THSD4: variants seen among roughly 807,000 people sequenced by gnomAD.
THSD4 encodes the protein thrombospondin type 1 domain containing 4.
THSD4 carries 69 observed loss-of-function variants against 119.0 expected under a neutral mutation model. The observed-to-expected ratio is 0.58, with a 90% CI of 0.48 to 0.71. The LOEUF is 0.71. Among genes scored for constraint, THSD4 ranks in the 30% least tolerant of loss-of-function variants. The pLI is 0.00. For missense variants in THSD4, 1,393 were observed against 1,391.1 expected, an observed-to-expected ratio of 1.00 and a Z score of -0.02; for synonymous variants, 524 against 540.4, an observed-to-expected ratio of 0.97 and a Z score of 0.42.
chr15:71,370,156 A>G (rs1281013356), intron 6 of THSD4, among the ~76,000 whole-genome samples: 3 of 151,530 alleles, frequency 2.0e-5, no homozygotes, highest in African/African-American at 7.3e-5. Flanking sequence ...CATTGTGTCT[A>G]TTTGATTCTT....
intron 15 of THSD4, among the ~76,000 whole-genome samples, chr15:71,761,286 T>A (rs908665190): frequency 1.3e-5 from 2 of 152,170 alleles, no homozygotes; most frequent in Non-Finnish European, 2.9e-5. Flanking sequence ...TTTAAACTTT[T>A]ATGTCTCCAT....
intron 4 of THSD4, among the ~76,000 whole-genome samples, chr15:71,216,634 A>T (rs1457261718): frequency 2.0e-5 from 3 of 152,228 alleles, no homozygotes; most frequent in African/African-American, 7.2e-5. Context: ...AAGACTGAGC[A>T]TGGAGGGGGA....
chr15:71,615,725 G>GA (rs2050308808), intron 7 of THSD4, among the ~76,000 whole-genome samples: 1 of 152,124 alleles, frequency 6.6e-6, no homozygotes. Context: ...CTTCACATGA[G>GA]AAAGGGTGTA....
intron 7 of THSD4, among the ~76,000 whole-genome samples, chr15:71,584,425 T>C (rs1049206886): frequency 2.3e-4 from 35 of 151,542 alleles, no homozygotes; most frequent in Non-Finnish European, 3.5e-4. Flanking sequence ...TCTACCACCA[T>C]GCCCAGCTAA....
At chr15:71,259,962 G>C (rs530121895) in intron 6 of THSD4, among the ~76,000 whole-genome samples, 1 of 152,182 alleles carries the variant, frequency 6.6e-6, no homozygotes, top group African/African-American at 2.4e-5. Flanking sequence ...TTACCTGGGG[G>C]GAAAGATGAA....
chr15:71,218,062 G>C (rs1012278030), intron 4 of THSD4, among the ~76,000 whole-genome samples: 6 of 151,726 alleles, frequency 4.0e-5, no homozygotes, highest in African/African-American at 1.5e-4. Flanking sequence ...ATGAGTCACC[G>C]TGCGTGGCCT....
chr15:71,303,971 A>G (rs1156404515), intron 6 of THSD4, among the ~76,000 whole-genome samples: 4 of 152,122 alleles, frequency 2.6e-5, no homozygotes, highest in South Asian at 2.1e-4. Flanking sequence ...CACTCTGGCT[A>G]TGACCTTCAG....
chr15:71,500,176 A>T (rs1415147740), intron 7 of THSD4, among the ~76,000 whole-genome samples: 1 of 152,132 alleles, frequency 6.6e-6, no homozygotes, highest in Non-Finnish European at 1.5e-5. Flanking sequence ...GGTAGCTGCC[A>T]TACCAGATGT....
chr15:71,210,020 G>A (rs1253850927), intron 3 of THSD4, among the ~76,000 whole-genome samples: 1 of 152,138 alleles, frequency 6.6e-6, no homozygotes, highest in Admixed American at 6.5e-5. Context: ...CCAGTCTTGG[G>A]TATGTCTTTA....
intron 6 of THSD4, among the ~76,000 whole-genome samples, chr15:71,383,222 C>T (rs1054905218): frequency 2.6e-5 from 4 of 152,334 alleles, no homozygotes; most frequent in African/African-American, 7.2e-5. Flanking sequence ...GGGTCCCCCT[C>T]GTCTGTCCAG....
chr15:71,648,825 C>G (rs147776056), intron 7 of THSD4, among the ~76,000 whole-genome samples: 3 of 152,180 alleles, frequency 2.0e-5, no homozygotes. Context: ...AGAGGCACAA[C>G]ATTTTACCAG....
At chr15:71,456,638 G>A (rs2047344494) in intron 7 of THSD4, among the ~76,000 whole-genome samples, 3 of 152,254 alleles carry the variant, frequency 2.0e-5, no homozygotes, top group African/African-American at 7.2e-5. Context: ...CTGAGTCTGG[G>A]AGCCCCACCT....
At chr15:71,471,484 C>T (rs866734115) in intron 7 of THSD4, among the ~76,000 whole-genome samples, 4 of 151,968 alleles carry the variant, frequency 2.6e-5, no homozygotes, top group South Asian at 4.2e-4. Context: ...TACAGTGTGC[C>T]CCTCTGAGGC....
intron 8 of THSD4, among the ~76,000 whole-genome samples, chr15:71,700,090 C>A (rs1034393847): frequency 6.6e-6 from 1 of 151,888 alleles, no homozygotes; most frequent in Non-Finnish European, 1.5e-5. Flanking sequence ...AAGGTTCCAG[C>A]CAATGAAATG....
At chr15:71,191,200 C>T (rs1336211136) in intron 3 of THSD4, among the ~76,000 whole-genome samples, 3 of 152,116 alleles carry the variant, frequency 2.0e-5, no homozygotes, top group Non-Finnish European at 4.4e-5. Flanking sequence ...TTCTACACAC[C>T]GTCCTTCCCC....
chr15:71,579,564 T>C (rs1006634547), intron 7 of THSD4, among the ~76,000 whole-genome samples: 3 of 152,214 alleles, frequency 2.0e-5, no homozygotes, highest in African/African-American at 7.2e-5. Context: ...TTAAAGTCAC[T>C]TCCCTGGGAC....
chr15:71,164,854 C>T (rs2043279922), intron 3 of THSD4: 1 of 1,581,484 alleles, frequency 6.3e-7, no homozygotes, highest in Non-Finnish European at 8.6e-7. Flanking sequence ...CCTCATCTTC[C>T]TCCTCTTCCT....
chr15:71,413,239 C>A (rs142502107), intron 7 of THSD4, among the ~76,000 whole-genome samples: 2,280 of 152,330 alleles, frequency 0.015, 68 homozygotes, highest in African/African-American at 0.052. Context: ...TCTTGAACCC[C>A]TGACCTCAAG....
chr15:71,781,624 C>T lies in THSD4; in HGVS notation c.*4250C>T, dbSNP rs1234564949. On this transcript the variant is annotated 3_prime_UTR_variant, in exon 18 of 18. Coordinates refer to ENST00000261862, the MANE Select transcript of THSD4 (RefSeq NM_024817.3). ...GCACTAGGGCACAAGGAGAGCTCTCCTAGGACCAGGACCAAGAAGCTACAG... is the reference window on the plus strand; with the variant it reads ...GCACTAGGGCACAAGGAGAGCTCTCTTAGGACCAGGACCAAGAAGCTACAG... The T allele has an allele frequency of 6.6e-6, 1 of 152,356 alleles. No homozygotes were observed. Among genetic ancestry groups the T allele is most frequent in the Non-Finnish European group, 1.5e-5 (1 of 68,174 alleles). 9.4% of individuals were successfully genotyped at this position (152,356 alleles called of 1,614,324 possible).
Sources: allele counts gnomAD v4.1 joint callset (sites outside exome capture counted in the v4.1 genomes callset), GRCh38; gene constraint gnomAD v4.1.1; transcripts MANE v1.5; gene names NCBI Gene and HGNC (gene_info 2026-07-23, HGNC 2026-07-21).